Variants in SHISAL1 observed in about 807,000 individuals in gnomAD.
SHISAL1 encodes the protein protein shisa-like-1.
A neutral mutation model predicts 22.6 loss-of-function variants in SHISAL1; 9 were observed. The ratio of observed to expected loss-of-function variants is 0.40; its 90% CI spans 0.24 to 0.70. The LOEUF (loss-of-function observed/expected upper bound fraction) is 0.70. Ranked by LOEUF, SHISAL1 falls within the 30% of genes least tolerant of loss-of-function variation. The pLI, the probability that SHISAL1 is intolerant of heterozygous loss-of-function variation, is 0.39. For missense variants in SHISAL1, 246 were observed against 270.6 expected, an observed-to-expected ratio of 0.91 and a Z score of 0.64; for synonymous variants, 119 against 115.4, an observed-to-expected ratio of 1.03 and a Z score of -0.20.
At chr22:44,255,093 C>A (rs1458352338) in intron 4 of SHISAL1, among the ~76,000 whole-genome samples, 5 of 152,182 alleles carry the variant, frequency 3.3e-5, no homozygotes, top group Admixed American at 3.3e-4. Context: ...CTTTGCTGGT[C>A]TGCCCACATC....
At chr22:44,297,465 C>A (rs949698133) in intron 2 of SHISAL1, among the ~76,000 whole-genome samples, 3 of 152,168 alleles carry the variant, frequency 2.0e-5, no homozygotes, top group Non-Finnish European at 4.4e-5. Context: ...GCAAGGACCT[C>A]TTGGGTACCT....
At chr22:44,329,229 A>T in the SHISAL1 span, among the ~76,000 whole-genome samples, 3 of 152,310 alleles carry the variant, frequency 2.0e-5, no homozygotes, top group South Asian at 6.2e-4. Flanking sequence ...AGTTGGCTGA[A>T]GAAGGGGAGT....
At chr22:44,286,134 G>A (rs148102592) in intron 3 of SHISAL1, among the ~76,000 whole-genome samples, 164 of 152,248 alleles carry the variant, frequency 1.1e-3, no homozygotes, top group African/African-American at 3.8e-3. Flanking sequence ...TCCTGCAGGT[G>A]CCCCTGCCCC....
intron 4 of SHISAL1, among the ~76,000 whole-genome samples, chr22:44,251,435 T>C (rs1569206013): frequency 2.0e-5 from 3 of 152,216 alleles, no homozygotes; most frequent in Non-Finnish European, 4.4e-5. Context: ...AGGTTTACTA[T>C]AAAAGGATGG....
chr22:44,312,024 G>A (rs2055522380), intron 1 of SHISAL1, among the ~76,000 whole-genome samples: 1 of 151,566 alleles, frequency 6.6e-6, no homozygotes. Flanking sequence ...CGCTCGCCTC[G>A]GGGTGGGGGT....
chr22:44,261,351 C>T (rs1378084497), intron 4 of SHISAL1, among the ~76,000 whole-genome samples: 1 of 151,962 alleles, frequency 6.6e-6, no homozygotes, highest in Non-Finnish European at 1.5e-5. Flanking sequence ...AAAACTCCTA[C>T]ACATCCTTCA....
chr22:44,276,761 A>G (rs2055242497), intron 4 of SHISAL1, among the ~76,000 whole-genome samples: 1 of 152,064 alleles, frequency 6.6e-6, no homozygotes, highest in South Asian at 2.1e-4. Flanking sequence ...GATTCAGGGG[A>G]GAGAGACCAG....
chr22:44,327,367 G>A, the SHISAL1 span, among the ~76,000 whole-genome samples: 11 of 152,104 alleles, frequency 7.2e-5, no homozygotes, highest in Admixed American at 5.9e-4. Context: ...AGAAAACCTG[G>A]GCTTGTGGGA....
chr22:44,296,907 C>T, intron 2 of SHISAL1, 22 bp from the exon 3 acceptor site: 1 of 1,595,522 alleles, frequency 6.3e-7, no homozygotes, highest in African/African-American at 1.3e-5. Flanking sequence ...AGTCACCAGG[C>T]TCAGAGGGGT....
At chr22:44,251,248 T>C (rs2055045751) in intron 4 of SHISAL1, among the ~76,000 whole-genome samples, 1 of 152,220 alleles carries the variant, frequency 6.6e-6, no homozygotes, top group Non-Finnish European at 1.5e-5. Context: ...TGTAGGGGCT[T>C]AATAAATATT....
the SHISAL1 span, among the ~76,000 whole-genome samples, chr22:44,322,946 C>T: frequency 6.6e-6 from 1 of 151,960 alleles, no homozygotes; most frequent in Admixed American, 6.5e-5. Flanking sequence ...TCCGTCCACC[C>T]ATCCATCCAT....
At chr22:44,289,286 A>C (rs2055336646) in intron 3 of SHISAL1, among the ~76,000 whole-genome samples, 1 of 152,168 alleles carries the variant, frequency 6.6e-6, no homozygotes, top group Non-Finnish European at 1.5e-5. Context: ...TCCCTCTCTG[A>C]CTTCAAGTGA....
rs1434765535 is a variant in SHISAL1 at position 44,247,517 on chromosome 22, C to T, written c.*2168G>A. On this transcript the variant is annotated 3_prime_UTR_variant, in exon 5 of 5. Transcript: ENST00000381176. Reference sequence around the variant, plus strand: ...TCGAGACCCCAAGCAGAGGTTCTCCCACTTTGCCAAGCCATATGCCTGGAC... The same window carrying T: ...TCGAGACCCCAAGCAGAGGTTCTCCTACTTTGCCAAGCCATATGCCTGGAC... The T allele has an allele frequency of 6.6e-6, 1 of 152,462 alleles. No individual in the cohort carries two copies. Among genetic ancestry groups the T allele is most frequent in the Non-Finnish European group, 1.5e-5 (1 of 68,264 alleles). 9.4% of individuals were successfully genotyped at this position (152,462 alleles called of 1,614,324 possible).
At chr22:44,256,209 C>T (rs1340164941) in intron 4 of SHISAL1, among the ~76,000 whole-genome samples, 1 of 151,642 alleles carries the variant, frequency 6.6e-6, no homozygotes, top group Non-Finnish European at 1.5e-5. Flanking sequence ...ACACCATCAG[C>T]TCTCCTGGGT....
At chr22:44,258,054 T>C (rs746503269) in intron 4 of SHISAL1, among the ~76,000 whole-genome samples, 4 of 151,760 alleles carry the variant, frequency 2.6e-5, no homozygotes, top group Non-Finnish European at 5.9e-5. Context: ...GCAGGAGAAT[T>C]GCTTGAACCC....
At position 44,294,955 on chromosome 22, in the gene SHISAL1, C is replaced by T. The variant is rs147929944; in HGVS notation, c.281+1717G>A. 1.6e-4 allele frequency among the ~76,000 whole-genome samples: 24 copies of T among 152,256 alleles called. No homozygotes were observed. The East Asian group carries it at 3.1e-3, about 20-fold the overall frequency. ...TGAAAGAAAATCTGAACAAATGGAA[C>T]GACATTTGTATGGAAATGTTTGACA... is the stretch of plus-strand genomic sequence containing the variant. On this transcript the variant is annotated intron_variant, in intron 3 of 4. Transcript: ENST00000381176.
At chr22:44,295,270 C>T (rs947653932) in intron 3 of SHISAL1, among the ~76,000 whole-genome samples, 8 of 152,028 alleles carry the variant, frequency 5.3e-5, no homozygotes, top group African/African-American at 1.9e-4. Flanking sequence ...GTTTGCATTT[C>T]ATCTCGGGGG....
chr22:44,253,635 T>G (rs1338826573), intron 4 of SHISAL1, among the ~76,000 whole-genome samples: 2 of 150,860 alleles, frequency 1.3e-5, no homozygotes, highest in African/African-American at 4.9e-5. Context: ...AGAAATGAGA[T>G]TTCACCATGT....
chr22:44,289,557 C>T (rs1049696755), intron 3 of SHISAL1, among the ~76,000 whole-genome samples: 26 of 152,012 alleles, frequency 1.7e-4, no homozygotes, highest in African/African-American at 6.3e-4. Flanking sequence ...ACATGACCCC[C>T]GGCCCTCCCA....
Sources: allele counts gnomAD v4.1 joint callset (sites outside exome capture counted in the v4.1 genomes callset), GRCh38; gene constraint gnomAD v4.1.1; transcripts MANE v1.5; gene names NCBI Gene and HGNC (gene_info 2026-07-23, HGNC 2026-07-21).